ADAD1: variants seen among roughly 807,000 people sequenced by gnomAD.
ADAD1 encodes adenosine deaminase domain-containing protein 1.
ADAD1 carries 46 observed loss-of-function variants against 66.8 expected under a neutral mutation model. That is an observed-to-expected ratio of 0.69 (90% CI 0.54 to 0.88). The LOEUF (loss-of-function observed/expected upper bound fraction) is 0.88, where lower values mean the gene tolerates loss of function less well. ADAD1 is among the 40% of genes least tolerant of loss of function. ADAD1 has a pLI of 0.00. For missense variants in ADAD1, 617 were observed against 681.8 expected (o/e 0.91, Z 1.06); for synonymous variants, 248 against 229.4 (o/e 1.08, Z -0.73).
At chr4:122,422,956 T>TAAAAAAAAAAAA (rs537676034) in intron 12 of ADAD1, among the ~76,000 whole-genome samples, 2 of 97,196 alleles carry the variant, frequency 2.1e-5, no homozygotes, top group Non-Finnish European at 4.0e-5. Flanking sequence ...TATTTCTCTT[T>TAAAAAAAAAAAA]AAAAAAAAAA....
At chr4:122,379,722 A>G (rs1794786846) in intron 2 of ADAD1, 1 of 167,750 alleles carries the variant, frequency 6.0e-6, no homozygotes, top group Non-Finnish European at 1.3e-5. Context: ...GAGGCCACCT[A>G]CGAGCTGATT....
intron 8 of ADAD1, among the ~76,000 whole-genome samples, chr4:122,409,007 G>C (rs186542392): frequency 3.3e-4 from 50 of 152,224 alleles, no homozygotes; most frequent in Non-Finnish European, 1.8e-4. Flanking sequence ...TTTCACCCCT[G>C]AATTAGCCAT....
At chr4:122,381,990 T>C (rs1293929770) in intron 4 of ADAD1, among the ~76,000 whole-genome samples, 1 of 152,220 alleles carries the variant, frequency 6.6e-6, no homozygotes, top group Admixed American at 6.5e-5. Flanking sequence ...TAAAGATAGT[T>C]ACAGCGACAT....
At chr4:122,417,493 C>T (rs988175717) in intron 11 of ADAD1, among the ~76,000 whole-genome samples, 3 of 151,884 alleles carry the variant, frequency 2.0e-5, no homozygotes, top group Non-Finnish European at 2.9e-5. Context: ...TTATGCAGAA[C>T]GTGACATAGC....
chr4:122,385,429 C>T (rs894718240), intron 5 of ADAD1, among the ~76,000 whole-genome samples: 1 of 152,012 alleles, frequency 6.6e-6, no homozygotes, highest in Non-Finnish European at 1.5e-5. Context: ...CCTGCCACCA[C>T]ACCCGGCTAA....
At chr4:122,391,336 C>T (rs1316263475) in intron 5 of ADAD1, among the ~76,000 whole-genome samples, 1 of 152,212 alleles carries the variant, frequency 6.6e-6, no homozygotes, top group African/African-American at 2.4e-5. Flanking sequence ...ATGTCTCACC[C>T]AGTTGGGTGG....
rs78147212 is a variant in ADAD1 at position 122,417,337 on chromosome 4, TAA to T, written c.1487+1739_1487+1740del. ...GAGCAACAAAGTGAGCCTCCATCTT[TAA>T]AAAAAAAAAAAAAAAAAGCCAGAAT... On this transcript the variant is annotated intron_variant, in intron 11 of 12. Coordinates refer to ENST00000296513, the MANE Select transcript of ADAD1 (RefSeq NM_139243.4). Among the ~76,000 whole-genome samples, 127 of 93,976 alleles carry T rather than the reference TAA, an allele frequency of 1.4e-3. 1 individual carries two copies. The East Asian group carries it at 0.016, about 12-fold the overall frequency. 61.7% of individuals were successfully genotyped at this position (93,976 alleles called of 152,430 possible).
intron 7 of ADAD1, among the ~76,000 whole-genome samples, chr4:122,405,221 C>T (rs1302960812): frequency 1.3e-5 from 2 of 152,162 alleles, no homozygotes; most frequent in African/African-American, 4.8e-5. Context: ...AATAATATAT[C>T]TTTGCTTTCA....
chr4:122,387,464 CA>C (rs1364258672), intron 5 of ADAD1, among the ~76,000 whole-genome samples: 1 of 152,070 alleles, frequency 6.6e-6, no homozygotes, highest in Non-Finnish European at 1.5e-5. Flanking sequence ...TTTCTAAATA[CA>C]AAATCATGTC....
At chr4:122,386,264 G>A (rs1405495040) in intron 5 of ADAD1, among the ~76,000 whole-genome samples, 1 of 152,104 alleles carries the variant, frequency 6.6e-6, no homozygotes, top group Non-Finnish European at 1.5e-5. Flanking sequence ...ATCTCATTGT[G>A]GTTTTGATTT....
intron 7 of ADAD1, among the ~76,000 whole-genome samples, chr4:122,401,745 A>G (rs1420504745): frequency 6.6e-6 from 1 of 152,012 alleles, no homozygotes; most frequent in Admixed American, 6.6e-5. Context: ...TCATTATATG[A>G]TGTCCCTCTG....
intron 8 of ADAD1, among the ~76,000 whole-genome samples, chr4:122,409,336 ATTC>A (rs1191851828): frequency 6.6e-6 from 1 of 152,114 alleles, no homozygotes; most frequent in African/African-American, 2.4e-5. Flanking sequence ...TTTGTTTTTA[ATTC>A]TTCTTTATTC....
intron 7 of ADAD1, among the ~76,000 whole-genome samples, chr4:122,401,929 GTTC>G (rs984624856): frequency 5.3e-5 from 8 of 151,988 alleles, no homozygotes; most frequent in Admixed American, 3.3e-4. Flanking sequence ...TGGTTGGTGA[GTTC>G]TTATCCATTC....
At chr4:122,418,480 A>G (rs773916422) in intron 11 of ADAD1, among the ~76,000 whole-genome samples, 1 of 151,174 alleles carries the variant, frequency 6.6e-6, no homozygotes, top group African/African-American at 2.4e-5. Context: ...CCGCCACCAC[A>G]CCCAGCTAAT....
At chr4:122,427,843 A>T (rs941217723) in intron 12 of ADAD1, among the ~76,000 whole-genome samples, 1 of 152,120 alleles carries the variant, frequency 6.6e-6, no homozygotes, top group Admixed American at 6.5e-5. Context: ...AAGGCCATTT[A>T]AGAACCAAAA....
chr4:122,384,888 T>A (rs1379841056), intron 5 of ADAD1, among the ~76,000 whole-genome samples: 1 of 152,236 alleles, frequency 6.6e-6, no homozygotes, highest in African/African-American at 2.4e-5. Context: ...TGTCGGCACT[T>A]CTATATTCAT....
intron 7 of ADAD1, among the ~76,000 whole-genome samples, chr4:122,396,626 C>G (rs1795730473): frequency 6.6e-6 from 1 of 152,170 alleles, no homozygotes; most frequent in African/African-American, 2.4e-5. Flanking sequence ...CATCACTACC[C>G]TTCTGAAATC....
intron 12 of ADAD1, among the ~76,000 whole-genome samples, chr4:122,422,293 T>C (rs184244458): frequency 6.6e-6 from 1 of 152,160 alleles, no homozygotes; most frequent in Non-Finnish European, 1.5e-5. Context: ...CTGGGCTAAT[T>C]TTTGTACTTT....
chr4:122,422,512 A>T (rs1047769499), intron 12 of ADAD1, among the ~76,000 whole-genome samples: 2 of 152,246 alleles, frequency 1.3e-5, no homozygotes, highest in African/African-American at 4.8e-5. Flanking sequence ...ACAGCATTAT[A>T]TGAAAGTCTT....
Sources: allele counts gnomAD v4.1 joint callset (sites outside exome capture counted in the v4.1 genomes callset), GRCh38; gene constraint gnomAD v4.1.1; transcripts MANE v1.5; gene names NCBI Gene and HGNC (gene_info 2026-07-23, HGNC 2026-07-21).